Variants in SLIT2 observed in about 807,000 individuals in gnomAD.
SLIT2 encodes slit guidance ligand 2, also known as slit homolog 2 protein.
In SLIT2, 41 loss-of-function variants were observed where a neutral mutation model predicts 185.7. The ratio of observed to expected loss-of-function variants is 0.22; its 90% CI spans 0.17 to 0.29. The LOEUF (loss-of-function observed/expected upper bound fraction) is 0.29. Among genes scored for constraint, SLIT2 ranks in the 10% least tolerant of loss-of-function variants. SLIT2 has a pLI of 1.00. For synonymous variants in SLIT2, 693 were observed against 680.2 expected (o/e 1.02, Z -0.29); for missense variants, 1,571 against 1,909.0 (o/e 0.82, Z 3.30).
intron 4 of SLIT2, among the ~76,000 whole-genome samples, chr4:20,369,168 C>T (rs956178192): frequency 6.6e-6 from 1 of 152,012 alleles, no homozygotes; most frequent in Non-Finnish European, 1.5e-5. Flanking sequence ...GGGCTGAATT[C>T]CCATGTTCTC....
At chr4:20,460,342 A>G (rs936893831) in intron 4 of SLIT2, among the ~76,000 whole-genome samples, 1 of 152,142 alleles carries the variant, frequency 6.6e-6, no homozygotes, top group Non-Finnish European at 1.5e-5. Context: ...TATTTTTTCA[A>G]ATTTATTTAT....
intron 4 of SLIT2, among the ~76,000 whole-genome samples, chr4:20,285,157 C>T (rs371777178): frequency 8.4e-4 from 128 of 152,322 alleles, no homozygotes; most frequent in African/African-American, 3.0e-3. Flanking sequence ...CCATACACTC[C>T]TCTGTGAATC....
chr4:20,359,177 G>A (rs546844395), intron 4 of SLIT2, among the ~76,000 whole-genome samples: 2 of 152,186 alleles, frequency 1.3e-5, no homozygotes, highest in Non-Finnish European at 2.9e-5. Flanking sequence ...AGTATAATAT[G>A]GGAGCCTGAA....
intron 34 of SLIT2, chr4:20,616,201 T>G (rs143754503): frequency 7.9e-5 from 12 of 152,200 alleles, no homozygotes; most frequent in African/African-American, 2.9e-4. Flanking sequence ...AGGAGTGAGT[T>G]TTTAGGCATT....
chr4:20,604,812 CG>C (rs898646099), intron 33 of SLIT2, among the ~76,000 whole-genome samples: 8 of 151,312 alleles, frequency 5.3e-5, no homozygotes, highest in Non-Finnish European at 7.4e-5. Context: ...TATTCCAAAG[CG>C]TGGAATATGT....
At chr4:20,497,800 G>A (rs1343680176) in intron 9 of SLIT2, among the ~76,000 whole-genome samples, 1 of 152,132 alleles carries the variant, frequency 6.6e-6, no homozygotes, top group Non-Finnish European at 1.5e-5. Context: ...GGAAGACAGT[G>A]TTGGGAGCAG....
At chr4:20,546,575 T>C (rs533296064) in intron 22 of SLIT2, among the ~76,000 whole-genome samples, 69 of 152,298 alleles carry the variant, frequency 4.5e-4, no homozygotes, top group African/African-American at 1.7e-3. Context: ...TATTAAAATG[T>C]ATTTTAGAAA....
chr4:20,467,082 T>C (rs1290482536), intron 4 of SLIT2, among the ~76,000 whole-genome samples: 1 of 152,200 alleles, frequency 6.6e-6, no homozygotes, highest in African/African-American at 2.4e-5. Flanking sequence ...AGTGCTTTGT[T>C]CAGTGATTAA....
At chr4:20,434,837 G>A (rs552355730) in intron 4 of SLIT2, among the ~76,000 whole-genome samples, 2 of 152,168 alleles carry the variant, frequency 1.3e-5, no homozygotes, top group Non-Finnish European at 2.9e-5. Flanking sequence ...TGGTTGAAAT[G>A]CAAAGAAATG....
chr4:20,538,448 A>G (rs546644874), intron 18 of SLIT2, among the ~76,000 whole-genome samples: 3 of 152,194 alleles, frequency 2.0e-5, no homozygotes, highest in African/African-American at 4.8e-5. Context: ...CAGAATGCAA[A>G]CGTTTATATT....
chr4:20,593,295 G>A (rs1188322846), intron 30 of SLIT2, among the ~76,000 whole-genome samples: 1 of 152,088 alleles, frequency 6.6e-6, no homozygotes, highest in Non-Finnish European at 1.5e-5. Flanking sequence ...ACGTGTTAAA[G>A]ATGAGGAAAA....
At chr4:20,317,690 G>A (rs1459407076) in intron 4 of SLIT2, among the ~76,000 whole-genome samples, 2 of 152,022 alleles carry the variant, frequency 1.3e-5, no homozygotes, top group Non-Finnish European at 2.9e-5. Flanking sequence ...GCTTGTTCCT[G>A]TCAGTAACTG....
At chr4:20,334,654 G>T (rs566723696) in intron 4 of SLIT2, among the ~76,000 whole-genome samples, 1 of 152,170 alleles carries the variant, frequency 6.6e-6, no homozygotes, top group African/African-American at 2.4e-5. Context: ...AGGTAAAAAA[G>T]TCCATGTTGA....
intron 25 of SLIT2, among the ~76,000 whole-genome samples, chr4:20,552,255 G>T (rs1321612318): frequency 6.6e-6 from 1 of 152,102 alleles, no homozygotes; most frequent in Non-Finnish European, 1.5e-5. Flanking sequence ...TCACAGGAAA[G>T]GTGCTGCTTG....
chr4:20,261,108 T>A (rs1712422167), intron 3 of SLIT2, among the ~76,000 whole-genome samples: 3 of 151,862 alleles, frequency 2.0e-5, no homozygotes, highest in African/African-American at 7.2e-5. Flanking sequence ...AGACCTAACA[T>A]GTGCAGAGTC....
intron 29 of SLIT2, among the ~76,000 whole-genome samples, chr4:20,574,786 C>CA (rs57022828): frequency 0.016 from 1,394 of 85,606 alleles, 13 homozygotes; most frequent in African/African-American, 0.034. Context: ...GACTCGCTTT[C>CA]AAAAAAAAAA....
At chr4:20,421,862 A>G (rs554967055) in intron 4 of SLIT2, among the ~76,000 whole-genome samples, 103 of 152,184 alleles carry the variant, frequency 6.8e-4, no homozygotes, top group African/African-American at 2.5e-3. Context: ...GTGCATGTGC[A>G]TGCAAGATTG....
chr4:20,364,190 G>A (rs937512798), intron 4 of SLIT2: 2 of 736,364 alleles, frequency 2.7e-6, no homozygotes, highest in Non-Finnish European at 3.3e-6. Context: ...GAAATACTGG[G>A]ATGGAGCATT....
chr4:20,306,058 T>G (rs1383160005), intron 4 of SLIT2, among the ~76,000 whole-genome samples: 3 of 151,990 alleles, frequency 2.0e-5, no homozygotes, highest in Non-Finnish European at 4.4e-5. Context: ...AAAGAAACCC[T>G]AGAATCTTGA....
Sources: allele counts gnomAD v4.1 joint callset (sites outside exome capture counted in the v4.1 genomes callset), GRCh38; gene constraint gnomAD v4.1.1; transcripts MANE v1.5; gene names NCBI Gene and HGNC (gene_info 2026-07-23, HGNC 2026-07-21).